ACER3: variants seen among roughly 807,000 people sequenced by gnomAD.
ACER3 encodes the protein alkaline ceramidase 3.
Under a neutral mutation model 48.9 loss-of-function variants are expected in ACER3, and 16 were observed. That is an observed-to-expected ratio of 0.33 (90% CI 0.22 to 0.50). The LOEUF is 0.50. Among genes scored for constraint, ACER3 ranks in the 20% least tolerant of loss-of-function variants. The probability of loss-of-function intolerance (pLI) is 0.98; values close to 1 mark genes in which losing one functional copy is unlikely to be tolerated. For synonymous variants in ACER3, 109 were observed against 107.8 expected, an observed-to-expected ratio of 1.01 and a Z score of -0.07; for missense variants, 227 against 326.0, an observed-to-expected ratio of 0.70 and a Z score of 2.34.
chr11:77,012,416 C>CAAAAAAAA (rs35917677), intron 7 of ACER3, among the ~76,000 whole-genome samples: 1 of 21,368 alleles, frequency 4.7e-5, no homozygotes. Flanking sequence ...GACTCCATCT[C>CAAAAAAAA]AAAAAAAAAA....
chr11:77,001,562 A>G (rs1462883570), intron 7 of ACER3, among the ~76,000 whole-genome samples: 1 of 151,978 alleles, frequency 6.6e-6, no homozygotes, highest in Non-Finnish European at 1.5e-5. Flanking sequence ...GGCCCTGTAG[A>G]TTTGTTTTTA....
intron 1 of ACER3, among the ~76,000 whole-genome samples, chr11:76,887,634 T>C (rs1328131978): frequency 6.6e-6 from 1 of 152,070 alleles, no homozygotes; most frequent in Non-Finnish European, 1.5e-5. Context: ...TAATACAAAT[T>C]GATTTTGTAT....
chr11:76,873,116 C>T (rs1945287524), intron 1 of ACER3, among the ~76,000 whole-genome samples: 1 of 151,612 alleles, frequency 6.6e-6, no homozygotes, highest in African/African-American at 2.4e-5. Flanking sequence ...CAGGGAATCT[C>T]GCTATGTTGC....
intron 2 of ACER3, among the ~76,000 whole-genome samples, chr11:76,948,572 T>C (rs1333733001): frequency 6.6e-6 from 1 of 152,182 alleles, no homozygotes; most frequent in Non-Finnish European, 1.5e-5. Context: ...ATTATTTTGA[T>C]AGTACTAATA....
At chr11:76,875,595 T>C (rs1590866941) in intron 1 of ACER3, among the ~76,000 whole-genome samples, 2 of 152,226 alleles carry the variant, frequency 1.3e-5, no homozygotes, top group East Asian at 1.9e-4. Context: ...ATTTTATTTT[T>C]TGATACATTT....
At chr11:76,890,848 G>A (rs1149581) in intron 1 of ACER3, among the ~76,000 whole-genome samples, 1 of 152,060 alleles carries the variant, frequency 6.6e-6, no homozygotes, top group Admixed American at 6.5e-5. Flanking sequence ...CACCGGGTGC[G>A]GTGGCTCACT....
chr11:77,016,903 G>T, intron 9 of ACER3, 124 bp downstream of exon 9: 1 of 520,382 alleles, frequency 1.9e-6, no homozygotes, highest in Non-Finnish European at 3.3e-6. Flanking sequence ...AAATTAAATA[G>T]TACACTCTTG....
intron 8 of ACER3, 97 bp downstream of exon 8, chr11:77,015,214 A>G (rs889458031): frequency 1.5e-6 from 1 of 671,626 alleles, no homozygotes; most frequent in Non-Finnish European, 2.6e-6. Context: ...CCCTGAAATG[A>G]ATTTTTACTA....
At chr11:76,870,285 C>A (rs1393240708) in intron 1 of ACER3, among the ~76,000 whole-genome samples, 1 of 151,382 alleles carries the variant, frequency 6.6e-6, no homozygotes, top group Non-Finnish European at 1.5e-5. Flanking sequence ...CAGATGCATG[C>A]CACCACACCT....
chr11:76,876,283 T>TTC (rs1554990986), intron 1 of ACER3, among the ~76,000 whole-genome samples: 19 of 151,750 alleles, frequency 1.3e-4, no homozygotes, highest in Admixed American at 7.9e-4. Flanking sequence ...TTTTTTTTTT[T>TTC]CCCTACCATA....
chr11:76,880,976 T>C (rs974808068), intron 1 of ACER3, among the ~76,000 whole-genome samples: 9 of 151,772 alleles, frequency 5.9e-5, no homozygotes, highest in Non-Finnish European at 1.3e-4. Context: ...GATGCCAGGG[T>C]GGGGTATGGT....
chr11:76,964,171 G>A (rs1012222132), intron 3 of ACER3, among the ~76,000 whole-genome samples: 9 of 151,390 alleles, frequency 5.9e-5, no homozygotes, highest in Non-Finnish European at 1.0e-4. Flanking sequence ...ATTATATCCC[G>A]CACCTGGCTC....
chr11:76,903,733 G>C (rs575517253), intron 1 of ACER3, among the ~76,000 whole-genome samples: 2 of 152,038 alleles, frequency 1.3e-5, no homozygotes, highest in South Asian at 2.1e-4. Context: ...GGAAATGAAA[G>C]TATTTTACCC....
chr11:76,883,335 T>C (rs1945581125), intron 1 of ACER3, among the ~76,000 whole-genome samples: 1 of 152,192 alleles, frequency 6.6e-6, no homozygotes, highest in Non-Finnish European at 1.5e-5. Context: ...ATTATGTCCA[T>C]GTTTTCTTTA....
At chr11:76,908,355 T>C (rs1946286922) in intron 1 of ACER3, among the ~76,000 whole-genome samples, 1 of 152,178 alleles carries the variant, frequency 6.6e-6, no homozygotes, top group South Asian at 2.1e-4. Context: ...GAAAACCCCA[T>C]CGTCTCAGCC....
chr11:76,869,078 C>T (rs923710657), intron 1 of ACER3, among the ~76,000 whole-genome samples: 4 of 152,184 alleles, frequency 2.6e-5, no homozygotes, highest in Admixed American at 6.5e-5. Context: ...CTAGCCCTAG[C>T]CCCGGACTTG....
chr11:76,960,643 G>A (rs986924567), intron 3 of ACER3, among the ~76,000 whole-genome samples: 1 of 152,082 alleles, frequency 6.6e-6, no homozygotes, highest in African/African-American at 2.4e-5. Context: ...CATGGGGTGG[G>A]GACCATCCAT....
At chr11:77,005,671 G>C (rs1409103404) in intron 7 of ACER3, among the ~76,000 whole-genome samples, 1 of 151,736 alleles carries the variant, frequency 6.6e-6, no homozygotes, top group Non-Finnish European at 1.5e-5. Flanking sequence ...CATCAGTCCA[G>C]TCTTTGCCTT....
intron 7 of ACER3, among the ~76,000 whole-genome samples, chr11:77,002,044 C>A (rs1455545561): frequency 2.0e-5 from 3 of 152,108 alleles, no homozygotes; most frequent in Non-Finnish European, 2.9e-5. Context: ...GGTCTGATTT[C>A]TCTGTGTGTT....
Sources: allele counts gnomAD v4.1 joint callset (sites outside exome capture counted in the v4.1 genomes callset), GRCh38; gene constraint gnomAD v4.1.1; transcripts MANE v1.5; gene names NCBI Gene and HGNC (gene_info 2026-07-23, HGNC 2026-07-21).